Variants in KCNH5 observed in about 807,000 individuals in gnomAD.
KCNH5 encodes the protein potassium voltage-gated channel subfamily H member 5.
Under a neutral mutation model 96.1 loss-of-function variants are expected in KCNH5, and 46 were observed. The ratio of observed to expected loss-of-function variants is 0.48; its 90% CI spans 0.38 to 0.61. KCNH5 has a LOEUF of 0.61. Among genes scored for constraint, KCNH5 ranks in the 20% least tolerant of loss-of-function variants. The pLI is 0.00. For missense variants in KCNH5, 907 were observed against 1,225.8 expected (o/e 0.74, Z 3.88); for synonymous variants, 439 against 449.8 (o/e 0.98, Z 0.30).
rs547916942 is a variant in KCNH5, at chr14:63,000,533, C to G, written c.433+798G>C. Among the ~76,000 whole-genome samples the G allele has an allele frequency of 2.6e-5, 4 of 152,276 alleles. No homozygotes were observed. In the South Asian group the frequency reaches 8.3e-4, roughly 32 times the overall value. ...GGTTTGCATTTTGCCAGTCACTCTC[C>G]TGAAGACAAAATTATTCTTTCCATA... is the stretch of plus-strand genomic sequence containing the variant. On this transcript the variant is annotated intron_variant, in intron 4 of 10. Coordinates refer to ENST00000322893, the MANE Select transcript of KCNH5 (RefSeq NM_139318.5).
At position 63,045,401 on chromosome 14, in the gene KCNH5, T is replaced by A. The variant is rs957323010; in HGVS notation, c.-215A>T. 1.5e-4 allele frequency: 87 copies of A among 565,518 alleles called. No individual in the cohort carries two copies. Among genetic ancestry groups the A allele is most frequent in the African/African-American group, 1.5e-3 (78 of 53,168 alleles). 35.0% of individuals were successfully genotyped at this position (565,518 alleles called of 1,614,324 possible). A position where few individuals can be genotyped will look rare whatever the true frequency, so the allele number is the denominator to read the frequency against. ...ACCAGGCAGTTCATGGTAGTAGCGC[T>A]CCCCCGGCCGCCGCTGCCCAGACTG... is the stretch of plus-strand genomic sequence containing the variant. On this transcript the variant is annotated 5_prime_UTR_variant, in exon 1 of 11. Transcript: ENST00000322893.
At chr14:62,776,787 T>A (rs1886106980) in intron 10 of KCNH5, among the ~76,000 whole-genome samples, 2 of 152,230 alleles carry the variant, frequency 1.3e-5, no homozygotes. Flanking sequence ...AAGAGCTATA[T>A]TCGCACAGTA....
intron 9 of KCNH5, among the ~76,000 whole-genome samples, chr14:62,799,702 TATATATATATATATATATATATATAC>T (rs1442012134): frequency 4.0e-5 from 4 of 100,226 alleles, no homozygotes; most frequent in East Asian, 3.2e-4. Context: ...TATATATATA[TATATATATATATATATATATATATAC>T]ACACACACAC....
At chr14:62,833,826 AATCTCCAC>A (rs1887410640) in intron 8 of KCNH5, among the ~76,000 whole-genome samples, 1 of 151,930 alleles carries the variant, frequency 6.6e-6, no homozygotes, top group South Asian at 2.1e-4. Flanking sequence ...TCATATATAA[AATCTCCAC>A]GTATGTATGA....
intron 10 of KCNH5, among the ~76,000 whole-genome samples, chr14:62,772,451 A>G (rs536688531): frequency 1.4e-4 from 22 of 152,184 alleles, no homozygotes; most frequent in African/African-American, 4.8e-4. Flanking sequence ...AGCCTGGCCA[A>G]CATGGTGAAA....
chr14:62,730,884 G>A (rs1885034674), intron 10 of KCNH5, among the ~76,000 whole-genome samples: 1 of 152,068 alleles, frequency 6.6e-6, no homozygotes, highest in Admixed American at 6.6e-5. Flanking sequence ...TAGTATAGAT[G>A]GAAGGTGGTA....
intron 8 of KCNH5, among the ~76,000 whole-genome samples, chr14:62,819,318 T>C (rs1484340683): frequency 1.3e-5 from 2 of 152,170 alleles, no homozygotes; most frequent in Admixed American, 6.5e-5. Context: ...TGCCACAATA[T>C]GGATGAACTT....
intron 6 of KCNH5, among the ~76,000 whole-genome samples, chr14:62,957,305 A>G (rs1890122662): frequency 6.6e-6 from 1 of 152,222 alleles, no homozygotes; most frequent in Admixed American, 6.5e-5. Context: ...GTCGCTAATA[A>G]TAGCAGGTAG....
intron 1 of KCNH5, among the ~76,000 whole-genome samples, chr14:63,042,225 A>C (rs1167669728): frequency 6.6e-6 from 1 of 151,996 alleles, no homozygotes; most frequent in African/African-American, 2.4e-5. Flanking sequence ...CAAGACAGAG[A>C]AAAAGAGTTA....
intron 7 of KCNH5, among the ~76,000 whole-genome samples, chr14:62,934,726 A>G (rs558869410): frequency 6.6e-6 from 1 of 152,340 alleles, no homozygotes; most frequent in African/African-American, 2.4e-5. Context: ...TTTAAAGCCC[A>G]TAGCCAAAAC....
rs1884490079 is a variant in KCNH5 at position 62,708,394 on chromosome 14, T to C, written c.2081A>G (p.Asn694Ser). ...CACGGGAATGCTGAGGGTCACCTCATTCTTCTGCCGGAGGCGCTCCTCCTC... is the reference window on the plus strand; with the variant it reads ...CACGGGAATGCTGAGGGTCACCTCACTCTTCTGCCGGAGGCGCTCCTCCTC... Reference protein sequence around the residue: ...KEEEERLRQKNEVTLSIPVDH... With the variant: ...KEEEERLRQKSEVTLSIPVDH... Residue 694 changes from asparagine to serine, a missense_variant, in exon 11 of 11, where the codon AAT becomes AGT. Asn to Ser is a conservative substitution (Grantham distance 46, BLOSUM62 1). Transcript: ENST00000322893. 6.2e-7 allele frequency: 1 copy of C among 1,612,626 alleles called. No homozygotes were observed.
At chr14:62,944,758 A>C (rs987855896) in intron 7 of KCNH5, among the ~76,000 whole-genome samples, 5 of 152,168 alleles carry the variant, frequency 3.3e-5, no homozygotes, top group African/African-American at 4.8e-5. Context: ...TTCAAAGGAA[A>C]TATCCCATGA....
intron 8 of KCNH5, among the ~76,000 whole-genome samples, chr14:62,825,306 A>T (rs934202326): frequency 6.6e-6 from 1 of 151,906 alleles, no homozygotes; most frequent in Non-Finnish European, 1.5e-5. Flanking sequence ...GTTGTTTTTG[A>T]CTTTTTAATT....
intron 4 of KCNH5, among the ~76,000 whole-genome samples, chr14:62,989,959 T>A (rs887864418): frequency 6.6e-6 from 1 of 152,058 alleles, no homozygotes; most frequent in Non-Finnish European, 1.5e-5. Flanking sequence ...ATCAATAGAA[T>A]GTTATAATTG....
At chr14:62,867,245 C>T (rs1276044791) in intron 7 of KCNH5, among the ~76,000 whole-genome samples, 2 of 152,138 alleles carry the variant, frequency 1.3e-5, no homozygotes, top group Non-Finnish European at 2.9e-5. Context: ...TAAAAATAGC[C>T]TCTGCCGCAC....
At chr14:62,743,394 C>T (rs1231834613) in intron 10 of KCNH5, among the ~76,000 whole-genome samples, 2 of 152,120 alleles carry the variant, frequency 1.3e-5, no homozygotes, top group Non-Finnish European at 2.9e-5. Flanking sequence ...CTGGGGGTAT[C>T]GACGTAGAAT....
Position 62,983,925 on chromosome 14 carries a change from G to T in KCNH5, c.550-2661C>A, listed in dbSNP as rs556073295. ...CATATGTAAAGCCCTCCAAAAAAAT[G>T]CAAGATGGGGACAAAAAGGAGGAGG... On this transcript the variant is annotated intron_variant, in intron 5 of 10. Transcript: ENST00000322893. Among the ~76,000 whole-genome samples, 82 of 152,222 alleles carry T rather than the reference G, an allele frequency of 5.4e-4. 1 individual carries two copies. Among genetic ancestry groups the T allele is most frequent in the African/African-American group, 1.9e-3 (79 of 41,534 alleles).
At chr14:62,711,200 C>T (rs571451465) in intron 10 of KCNH5, among the ~76,000 whole-genome samples, 23 of 152,098 alleles carry the variant, frequency 1.5e-4, no homozygotes, top group Non-Finnish European at 2.8e-4. Context: ...AAATCTTTCC[C>T]AGCTTCCTTG....
chr14:62,834,523 T>C (rs1410642551), intron 8 of KCNH5, among the ~76,000 whole-genome samples: 4 of 151,976 alleles, frequency 2.6e-5, no homozygotes, highest in Admixed American at 1.3e-4. Context: ...CAGATTTTGA[T>C]GAGCCTCATG....
Sources: gnomAD v4.1 joint callset for allele counts (sites outside exome capture counted in the v4.1 genomes callset) on GRCh38, gnomAD v4.1.1 for gene constraint, MANE v1.5 for transcripts, NCBI Gene and HGNC (gene_info 2026-07-23, HGNC 2026-07-21) for gene names.